Variants in CAPNS1 observed in about 807,000 individuals in gnomAD.
CAPNS1 encodes the protein CANP small subunit.
CAPNS1 carries 32 observed loss-of-function variants against 39.2 expected under a neutral mutation model. The ratio of observed to expected loss-of-function variants is 0.82; its 90% CI spans 0.62 to 1.10. CAPNS1 has a LOEUF of 1.10. CAPNS1 is among the 50% of genes least tolerant of loss of function. The pLI is 0.00. For synonymous variants in CAPNS1, 153 were observed against 136.2 expected, an observed-to-expected ratio of 1.12 and a Z score of -0.86; for missense variants, 353 against 373.1, an observed-to-expected ratio of 0.95 and a Z score of 0.44.
chr19:36,141,122 G>GGGCGGC lies in CAPNS1; in HGVS notation c.138_143dup (p.Gly55_Gly56dup), dbSNP rs536693322. The stretch of plus-strand genomic sequence containing the variant: ...TTGGAGGCCTGATCAGCGGGGCCGG[G>GGGCGGC]GGCGGCGGCGGCGGCGGCGGCGGCG... On this transcript the variant is annotated inframe_insertion, in exon 2 of 11. Transcript: ENST00000246533. 642 of 1,321,508 alleles carry GGGCGGC rather than the reference G, an allele frequency of 4.9e-4. 1 individual carries two copies. In the East Asian group the frequency reaches 5.3e-3, roughly 11 times the overall value. 81.9% of individuals were successfully genotyped at this position (1,321,508 alleles called of 1,614,324 possible).
At chr19:36,146,460 C>T (rs770591897) in intron 9 of CAPNS1, 148 bp downstream of exon 9, 3 of 683,706 alleles carry the variant, frequency 4.4e-6, no homozygotes, top group Non-Finnish European at 8.1e-6. Context: ...ATGGAGCTCA[C>T]AGTCTGGTGG....
chr19:36,142,807 C>A, intron 4 of CAPNS1, 66 bp downstream of exon 4: 1 of 1,581,384 alleles, frequency 6.3e-7, no homozygotes, highest in Non-Finnish European at 8.7e-7. Flanking sequence ...GCTGCCCTTG[C>A]ACACACACCC....
intron 6 of CAPNS1, among the ~76,000 whole-genome samples, chr19:36,145,098 T>C (rs1464774511): frequency 6.6e-6 from 1 of 152,172 alleles, no homozygotes; most frequent in Non-Finnish European, 1.5e-5. Context: ...CCCAAAGTGC[T>C]GGGATTACAG....
chr19:36,148,945 C>A (rs1377270223), intron 9 of CAPNS1, among the ~76,000 whole-genome samples: 1 of 152,138 alleles, frequency 6.6e-6, no homozygotes, highest in Admixed American at 6.5e-5. Context: ...AACATGGAGT[C>A]AAGTTTCAGG....
At chr19:36,146,565 C>T (rs1001005563) in intron 9 of CAPNS1, among the ~76,000 whole-genome samples, 1 of 152,096 alleles carries the variant, frequency 6.6e-6, no homozygotes, top group Admixed American at 6.6e-5. Context: ...ATGGGGGCAG[C>T]ACAGGCCGAG....
intron 1 of CAPNS1, 124 bp downstream of exon 1, chr19:36,140,281 C>G (rs1974310569): frequency 6.6e-6 from 1 of 152,438 alleles, no homozygotes; most frequent in African/African-American, 2.4e-5. Flanking sequence ...AGATTCGAAC[C>G]CTCAGACCTG....
chr19:36,144,730 CAT>C (rs1048612644), intron 6 of CAPNS1, among the ~76,000 whole-genome samples: 3 of 152,140 alleles, frequency 2.0e-5, no homozygotes, highest in Admixed American at 6.6e-5. Context: ...ACATAATATA[CAT>C]GTCATGTAAT....
chr19:36,142,388 C>A, intron 3 of CAPNS1, 55 bp downstream of exon 3: 1 of 902,742 alleles, frequency 1.1e-6, no homozygotes, highest in Non-Finnish European at 1.8e-6. Context: ...CTTCGAGGTC[C>A]CATCCCTGTT....
chr19:36,141,240 A>G lies in CAPNS1; in HGVS notation c.209+20A>G, dbSNP rs746841836. 1 of 1,513,104 alleles carries G rather than the reference A, an allele frequency of 6.6e-7. No homozygotes were observed. Among genetic ancestry groups the G allele is most frequent in the South Asian group, 1.3e-5 (1 of 79,540 alleles). 93.7% of individuals were successfully genotyped at this position (1,513,104 alleles called of 1,614,324 possible). ...CATCAGGTAAGGCGGAGACTATCAGAGGGGCGGGGCCTGGGAATGGGAGGA... is the reference window on the plus strand; with the variant it reads ...CATCAGGTAAGGCGGAGACTATCAGGGGGGCGGGGCCTGGGAATGGGAGGA... On this transcript the variant is annotated intron_variant, in intron 2 of 10. Coordinates refer to ENST00000246533, the MANE Select transcript of CAPNS1 (RefSeq NM_001749.4).
At chr19:36,140,866 G>T in intron 1 of CAPNS1, 131 bp from the exon 2 acceptor site, 1 of 1,401,878 alleles carries the variant, frequency 7.1e-7, no homozygotes. Context: ...CGGACAACCC[G>T]CCCTCGCAAA....
intron 9 of CAPNS1, 41 bp downstream of exon 9, chr19:36,146,353 A>G (rs374053168): frequency 3.1e-6 from 4 of 1,302,186 alleles, no homozygotes; most frequent in Non-Finnish European, 4.5e-6. Context: ...GGGGATTCCT[A>G]TGACCTCTAT....
intron 6 of CAPNS1, among the ~76,000 whole-genome samples, chr19:36,143,840 G>T (rs1425798026): frequency 6.7e-6 from 1 of 149,492 alleles, no homozygotes; most frequent in Non-Finnish European, 1.5e-5. Flanking sequence ...TCCAGCCTGG[G>T]CGACAGAGCC....
intron 1 of CAPNS1, 129 bp from the exon 2 acceptor site, chr19:36,140,868 C>T (rs184528370): frequency 4.1e-5 from 59 of 1,440,220 alleles, no homozygotes; most frequent in Non-Finnish European, 5.5e-5. Context: ...GACAACCCGC[C>T]CTCGCAAACT....
Position 36,142,930 on chromosome 19 carries a change from G to A in CAPNS1, c.355G>A (p.Glu119Lys). The change falls in exon 5 of 11, where the codon GAA (glutamate) becomes AAA (lysine). Residue 119 changes from glutamate to lysine, a missense_variant. Transcript: ENST00000246533. ...AGDDMEVSATELMNILNKVVT... is the reference protein window; with the variant it reads ...AGDDMEVSATKLMNILNKVVT... ...GCAGGACATGGAGGTCAGCGCCACA[G>A]AACTCATGAACATTCTCAATAAGGT... 2.5e-6 allele frequency: 4 copies of A among 1,614,204 alleles called. No individual in the cohort carries two copies. The highest frequency in any genetic ancestry group is 3.4e-6 in the Non-Finnish European group (4 of 1,180,038).
Position 36,145,977 on chromosome 19 carries a change from C to A in CAPNS1, c.527C>A (p.Ala176Asp). 1.2e-6 allele frequency: 2 copies of A among 1,614,138 alleles called. No homozygotes were observed. Among genetic ancestry groups the A allele is most frequent in the Non-Finnish European group, 1.7e-6 (2 of 1,179,964 alleles). ...YLWNNIKRWQ[A>D]IYKQFDTDRS... Reference sequence around the variant, plus strand: ...GACCCAATGTCTCTGTCCTCACAGGCCATATACAAACAGTTCGACACTGAC... The same window carrying A: ...GACCCAATGTCTCTGTCCTCACAGGACATATACAAACAGTTCGACACTGAC... Residue 176 changes from alanine to aspartate, a missense_variant and splice_region_variant, in exon 8 of 11, where the codon GCC becomes GAC. Coordinates refer to ENST00000246533, the MANE Select transcript of CAPNS1 (RefSeq NM_001749.4).
chr19:36,143,513 G>C (rs1314299229), intron 6 of CAPNS1, among the ~76,000 whole-genome samples: 5 of 151,948 alleles, frequency 3.3e-5, no homozygotes, highest in African/African-American at 4.8e-5. Context: ...GATCACCTGA[G>C]GTCAGGAGTT....
intron 9 of CAPNS1, among the ~76,000 whole-genome samples, chr19:36,146,684 G>T (rs1974579222): frequency 6.6e-6 from 1 of 152,198 alleles, no homozygotes; most frequent in Non-Finnish European, 1.5e-5. Context: ...AGCCCAAGGG[G>T]TCAGGGAGGG....
chr19:36,143,270 C>T (rs912399480), intron 6 of CAPNS1, 142 bp downstream of exon 6: 70 of 770,554 alleles, frequency 9.1e-5, no homozygotes, highest in East Asian at 4.0e-4. Context: ...AGACATGTGG[C>T]GGTAAATCAT....
chr19:36,146,091 G>C, intron 8 of CAPNS1, 37 bp downstream of exon 8: 6 of 1,607,494 alleles, frequency 3.7e-6, no homozygotes, highest in Non-Finnish European at 5.1e-6. Context: ...CTGGGAGTGG[G>C]ATGGGTGAGA....
Sources: gnomAD v4.1 joint callset for allele counts (sites outside exome capture counted in the v4.1 genomes callset) on GRCh38, gnomAD v4.1.1 for gene constraint, MANE v1.5 for transcripts, NCBI Gene and HGNC (gene_info 2026-07-23, HGNC 2026-07-21) for gene names.